The following COL6A1 variants were observed in gnomAD, a reference collection of about 807,000 sequenced individuals.
The protein encoded by COL6A1 is collagen type VI alpha 1 chain, also known as collagen alpha-1(VI) chain.
A neutral mutation model predicts 145.6 loss-of-function variants in COL6A1; 80 were observed. The ratio of observed to expected loss-of-function variants is 0.55; its 90% CI spans 0.46 to 0.66. The LOEUF (loss-of-function observed/expected upper bound fraction) is 0.66, where lower values mean the gene tolerates loss of function less well. Ranked by LOEUF, COL6A1 falls within the 30% of genes least tolerant of loss-of-function variation. The pLI, the probability that COL6A1 is intolerant of heterozygous loss-of-function variation, is 0.00. For synonymous variants in COL6A1, 638 were observed against 622.8 expected (o/e 1.02, Z -0.36); for missense variants, 1,364 against 1,473.8 (o/e 0.93, Z 1.22).
chr21:45,987,365 C>T, intron 6 of COL6A1, 134 bp from the exon 7 acceptor site: 1 of 1,487,878 alleles, frequency 6.7e-7, no homozygotes, highest in Non-Finnish European at 9.3e-7. Context: ...TGCCCATGTG[C>T]CTGGGACATG....
chr21:45,986,774 T>G, intron 4 of COL6A1, 89 bp downstream of exon 4: 1 of 1,519,664 alleles, frequency 6.6e-7, no homozygotes, highest in Non-Finnish European at 8.8e-7. Flanking sequence ...CTTTTGGTCC[T>G]CGGGAGGGTG....
chr21:45,997,548 C>A, intron 21 of COL6A1, 65 bp downstream of exon 21: 1 of 1,562,358 alleles, frequency 6.4e-7, no homozygotes, highest in Non-Finnish European at 8.8e-7. Flanking sequence ...AACCCACTGT[C>A]TGCCCAGTGC....
In COL6A1 at chr21:46,004,258, G is replaced by T; in HGVS notation, c.*245G>T. 1.7e-6 allele frequency: 1 copy of T among 588,548 alleles called. No homozygotes were observed. Among genetic ancestry groups the T allele is most frequent in the Admixed American group, 3.1e-5 (1 of 31,940 alleles). 36.5% of individuals were successfully genotyped at this position (588,548 alleles called of 1,614,324 possible). A position where few individuals can be genotyped will look rare whatever the true frequency, so the allele number is the denominator to read the frequency against. ...GCTCAGCCCTGAGCTAGTGTCACCT[G>T]CACAGGGCCCTCTGAGGCTCAGCCC... On this transcript the variant is annotated 3_prime_UTR_variant, in exon 35 of 35. Coordinates refer to ENST00000361866, the MANE Select transcript of COL6A1 (RefSeq NM_001848.3).
intron 34 of COL6A1, 90 bp from the exon 35 acceptor site, chr21:46,003,301 C>G (rs978327505): frequency 1.9e-6 from 3 of 1,603,664 alleles, no homozygotes; most frequent in Admixed American, 1.7e-5. Context: ...GTGCCGTGCC[C>G]TCTCTGGGGA....
At chr21:45,990,549 G>GATC in intron 13 of COL6A1, 127 bp downstream of exon 13, 1 of 1,087,508 alleles carries the variant, frequency 9.2e-7, no homozygotes. Context: ...AGGTGACCAG[G>GATC]GGAAGGACGG....
intron 9 of COL6A1, 79 bp downstream of exon 9, chr21:45,989,216 G>C: frequency 6.8e-7 from 1 of 1,468,708 alleles, no homozygotes; most frequent in Non-Finnish European, 9.2e-7. Context: ...TTCCGGAAGA[G>C]TGGCTGGGTT....
intron 2 of COL6A1, among the ~76,000 whole-genome samples, chr21:45,983,645 G>A (rs1023904271): frequency 2.7e-5 from 4 of 147,210 alleles, no homozygotes; most frequent in African/African-American, 8.0e-5. Flanking sequence ...GGCCAGGCCC[G>A]TGCGGCAGTG....
rs151306374 is a variant in COL6A1, at chr21:46,003,509, A to C, written c.2583A>C (p.Thr861=). 3 of 1,611,546 alleles carry C rather than the reference A, an allele frequency of 1.9e-6. No individual in the cohort carries two copies. The highest frequency in any genetic ancestry group is 2.5e-6 in the Non-Finnish European group (3 of 1,179,480). The change falls in exon 35 of 35, where the codon ACA becomes ACC. Residue 861 remains threonine, a synonymous_variant. Coordinates refer to ENST00000361866, the MANE Select transcript of COL6A1 (RefSeq NM_001848.3). ...FAKRLAERFL[T]AGRTDPAHDV... ...AGCGCCTGGCCGAGCGCTTCCTCAC[A>C]GCGGGCAGGACGGACCCCGCCCACG...
intron 3 of COL6A1, among the ~76,000 whole-genome samples, chr21:45,985,294 A>G (rs2077733002): frequency 6.6e-6 from 1 of 151,952 alleles, no homozygotes; most frequent in Non-Finnish European, 1.5e-5. Flanking sequence ...AGACAGAGAG[A>G]TAGAGACAGA....
chr21:45,983,655 G>GT (rs2077721022), intron 2 of COL6A1, among the ~76,000 whole-genome samples: 1 of 139,240 alleles, frequency 7.2e-6, no homozygotes, highest in South Asian at 2.2e-4. Flanking sequence ...GTGCGGCAGT[G>GT]TTTGGGGGGG....
At position 45,990,449 on chromosome 21, in the gene COL6A1, G is replaced by C. The variant is rs199820400; in HGVS notation, c.1002+27G>C. ...TGACTGGGGGGAGATAGGATGGACG[G>C]GGAGGGACGAGGAGGAATGGGGCGA... On this transcript the variant is annotated intron_variant, in intron 13 of 34. Transcript: ENST00000361866. 54 of 1,404,982 alleles carry C rather than the reference G, an allele frequency of 3.8e-5. No individual in the cohort carries two copies. In the Middle Eastern group the frequency reaches 5.5e-4, roughly 14 times the overall value. The allele number at this position is 1,404,982 out of a possible 1,614,324, so 87.0% of individuals were successfully genotyped here.
chr21:45,981,828 T>C lies in COL6A1; in HGVS notation c.-23T>C. Reference sequence around the variant, plus strand: ...GGCCCACTCTGCCCTGGCCGCGCTGTGTGGTGACCGCAGGCCCCAGACATG... The same window carrying C: ...GGCCCACTCTGCCCTGGCCGCGCTGCGTGGTGACCGCAGGCCCCAGACATG... On this transcript the variant is annotated 5_prime_UTR_variant, in exon 1 of 35. Coordinates refer to ENST00000361866, the MANE Select transcript of COL6A1 (RefSeq NM_001848.3). 1.3e-6 allele frequency: 2 copies of C among 1,550,858 alleles called. No homozygotes were observed. The highest frequency in any genetic ancestry group is 1.7e-6 in the Non-Finnish European group (2 of 1,147,520).
chr21:45,986,543 A>G lies in COL6A1; in HGVS notation c.446A>G (p.Glu149Gly). Residue 149 changes from glutamate to glycine, a missense_variant, in exon 4 of 35, where the codon GAG becomes GGG. By Grantham distance (98) the Glu-to-Gly change is moderately conservative. Transcript: ENST00000361866. ...CTGTCCAGGGGCTCCCACCTGAAGG[A>G]GAATAAGTACCTGATTGTGGTGACC... ...QLLVGGSHLK[E>G]NKYLIVVTDG... 1 of 1,563,286 alleles carries G rather than the reference A, an allele frequency of 6.4e-7. No homozygotes were observed. Among genetic ancestry groups the G allele is most frequent in the East Asian group, 2.4e-5 (1 of 41,822 alleles).
chr21:46,002,691 C>A lies in COL6A1; in HGVS notation c.2415C>A (p.Val805=). Residue 805 remains valine (V), a synonymous_variant, in exon 33 of 35, where the codon GTC becomes GTA. Transcript: ENST00000361866. ...ELLEDAFLKN[V]TAQICIDKKC... ...TGGAGGATGCCTTCCTGAAGAATGT[C>A]ACCGCCCAGATCTGCATAGGTGCGC... is the stretch of plus-strand genomic sequence containing the variant. 1 of 1,613,472 alleles carries A rather than the reference C, an allele frequency of 6.2e-7. No individual in the cohort carries two copies. The highest frequency in any genetic ancestry group is 1.1e-5 in the South Asian group (1 of 91,074).
intron 8 of COL6A1, among the ~76,000 whole-genome samples, 182 bp downstream of exon 8, chr21:45,987,836 G>T (rs1398030407): frequency 4.9e-5 from 1 of 20,546 alleles, no homozygotes; most frequent in Admixed American, 4.2e-4. Flanking sequence ...GGAGGGGATG[G>T]CGGGGTCCAG....
At chr21:45,999,388 A>G (rs939339002) in intron 26 of COL6A1, 170 bp downstream of exon 26, 1 of 784,592 alleles carries the variant, frequency 1.3e-6, no homozygotes, top group Non-Finnish European at 2.1e-6. Flanking sequence ...CACCAGGGCC[A>G]GGTGGTGGCC....
chr21:45,986,907 C>T, intron 4 of COL6A1, 37 bp from the exon 5 acceptor site: 2 of 1,538,652 alleles, frequency 1.3e-6, no homozygotes, highest in Non-Finnish European at 1.7e-6. Flanking sequence ...GTCAGGGGTC[C>T]CAGCCCTGCT....
In COL6A1 at chr21:45,999,689, G is replaced by A. The variant is rs74852641; in HGVS notation, c.1773G>A (p.Pro591=). 1.0e-2 allele frequency: 16,119 copies of A among 1,613,082 alleles called. 657 individuals are homozygous for A. The African/African-American group carries it at 0.11, about 11-fold the overall frequency. Residue 591 remains proline, a synonymous_variant, in exon 27 of 35, where the codon CCG becomes CCA. Transcript: ENST00000361866. ...GPPGHQGPPG[P]DECEILDIIM... is the part of the protein sequence containing the mutation. The stretch of plus-strand genomic sequence containing the variant: ...CAGGACACCAAGGACCGCCTGGGCC[G>A]GACGTAAGTGGGGCTCTGTGAACAT...
At chr21:45,988,991 C>G (rs1302214115) in intron 8 of COL6A1, 93 bp from the exon 9 acceptor site, 1 of 1,473,304 alleles carries the variant, frequency 6.8e-7, no homozygotes. Context: ...TCCCTGAAGG[C>G]TGGATGAAGC....
Sources: gnomAD v4.1 joint callset for allele counts (sites outside exome capture counted in the v4.1 genomes callset) on GRCh38, gnomAD v4.1.1 for gene constraint, MANE v1.5 for transcripts, NCBI Gene and HGNC (gene_info 2026-07-23, HGNC 2026-07-21) for gene names.